CASZ1: variants seen among roughly 807,000 people sequenced by gnomAD.
CASZ1 encodes castor zinc finger 1.
Under a neutral mutation model 135.2 loss-of-function variants are expected in CASZ1, and 28 were observed. That is an observed-to-expected ratio of 0.21 (90% CI 0.15 to 0.28). CASZ1 has a LOEUF of 0.28. Among genes scored for constraint, CASZ1 ranks in the 10% least tolerant of loss-of-function variants. CASZ1 has a pLI of 1.00. For missense variants in CASZ1, 2,161 were observed against 2,453.3 expected, an observed-to-expected ratio of 0.88 and a Z score of 2.52; for synonymous variants, 1,068 against 1,073.4, an observed-to-expected ratio of 0.99 and a Z score of 0.10.
intron 15 of CASZ1, 71 bp downstream of exon 15, chr1:10,648,999 G>T: frequency 6.3e-7 from 1 of 1,579,466 alleles, no homozygotes; most frequent in Non-Finnish European, 8.6e-7. Context: ...ACCAGCCTGA[G>T]CCCCACCCAC....
intron 4 of CASZ1, among the ~76,000 whole-genome samples, chr1:10,685,309 T>TA (rs1638550417): frequency 6.6e-6 from 1 of 152,148 alleles, no homozygotes; most frequent in Non-Finnish European, 1.5e-5. Flanking sequence ...TATTTGCCGT[T>TA]TATGGAAAAA....
At chr1:10,787,837 C>T (rs539318681) in intron 1 of CASZ1, among the ~76,000 whole-genome samples, 153 of 152,290 alleles carry the variant, frequency 1.0e-3, no homozygotes, top group African/African-American at 3.1e-3. Context: ...ACTCTCCCTC[C>T]GGGCTTCCCA....
Position 10,767,599 on chromosome 1 carries a change from T to G in CASZ1, c.-233-6742A>C, listed in dbSNP as rs184180686. The stretch of plus-strand genomic sequence containing the variant: ...GAGACCAGGCTTGGTGGCTCAGCCC[T>G]TTCTGCCATCGACCACCCAAAGTCA... On this transcript the variant is annotated intron_variant, in intron 1 of 20. Coordinates refer to ENST00000377022, the MANE Select transcript of CASZ1 (RefSeq NM_001079843.3). This position sits in a 1 kb window ranked among gnomAD's most constrained non-coding sequence, Gnocchi z 4.2. Among the ~76,000 whole-genome samples the G allele has an allele frequency of 3.3e-5, 5 of 152,310 alleles. No homozygotes were observed. The East Asian group carries it at 9.6e-4, about 29-fold the overall frequency.
At chr1:10,716,721 C>T (rs1639401101) in intron 2 of CASZ1, among the ~76,000 whole-genome samples, 1 of 152,206 alleles carries the variant, frequency 6.6e-6, no homozygotes, top group South Asian at 2.1e-4. Flanking sequence ...CCAAGAGCTG[C>T]CCAGTGGCAG....
chr1:10,658,667 C>T, intron 6 of CASZ1, 91 bp from the exon 7 acceptor site: 1 of 1,121,380 alleles, frequency 8.9e-7, no homozygotes, highest in Non-Finnish European at 1.4e-6. Context: ...GCCCTGAGGC[C>T]CCAGCCCCTC....
Position 10,639,240 on chromosome 1 carries a change from T to G in CASZ1, c.4982A>C (p.Glu1661Ala). The change falls in exon 21 of 21, where the codon GAG becomes GCG. Residue 1661 changes from glutamate (E) to alanine (A), a missense_variant. Glu to Ala is a moderately radical substitution (Grantham distance 107). Coordinates refer to ENST00000377022, the MANE Select transcript of CASZ1 (RefSeq NM_001079843.3). This position sits in a 1 kb window ranked among gnomAD's most constrained non-coding sequence, Gnocchi z 4.0. ...PPDAAAPGPR[E>A]GAAAAAAAAG... ...TGCGGCGGCGGCGGCGGCGGCGCCC[T>G]CGCGCGGCCCGGGGGCGGCGGCGTC... 1.1e-6 allele frequency: 1 copy of G among 878,212 alleles called. No individual in the cohort carries two copies. The highest frequency in any genetic ancestry group is 1.4e-6 in the Non-Finnish European group (1 of 735,980). 54.4% of individuals were successfully genotyped at this position (878,212 alleles called of 1,614,324 possible).
chr1:10,674,472 G>T (rs1278057327), intron 4 of CASZ1, among the ~76,000 whole-genome samples: 2 of 152,290 alleles, frequency 1.3e-5, no homozygotes, highest in African/African-American at 2.4e-5. Context: ...GGGCACCTGG[G>T]CTTTGGCAAC....
rs1372262136 is a variant in CASZ1 at position 10,759,442 on chromosome 1, A to C, written c.-77+1259T>G. On this transcript the variant is annotated intron_variant, in intron 2 of 20. Transcript: ENST00000377022. The surrounding 1 kb of genome is among the most constrained non-coding windows in gnomAD (Gnocchi z 4.2). The stretch of plus-strand genomic sequence containing the variant: ...ATCCTAAGTACGACAGACCAACTTC[A>C]GGAGCATGATCACCTTCTGCACACC... 1.3e-5 allele frequency among the ~76,000 whole-genome samples: 2 copies of C among 152,198 alleles called. No homozygotes were observed. Among genetic ancestry groups the C allele is most frequent in the African/African-American group, 4.8e-5 (2 of 41,440 alleles).
chr1:10,776,818 T>C lies in CASZ1; in HGVS notation c.-233-15961A>G, dbSNP rs1640668859. On this transcript the variant is annotated intron_variant, in intron 1 of 20. Transcript: ENST00000377022. The surrounding 1 kb of genome is among the most constrained non-coding windows in gnomAD (Gnocchi z 4.1). ...TTGCTCATCTTGGGAGGTGGCTGCT[T>C]GCCAGCGATGGAGATGGGGCTAGAA... Among the ~76,000 whole-genome samples the C allele has an allele frequency of 6.6e-6, 1 of 152,172 alleles. No homozygotes were observed. The highest frequency in any genetic ancestry group is 1.5e-5 in the Non-Finnish European group (1 of 68,018).
intron 2 of CASZ1, among the ~76,000 whole-genome samples, chr1:10,758,702 G>C (rs953851901): frequency 2.0e-5 from 3 of 152,186 alleles, no homozygotes; most frequent in Non-Finnish European, 4.4e-5. Flanking sequence ...GGGGGAATCT[G>C]AGCCAGACAG....
intron 2 of CASZ1, among the ~76,000 whole-genome samples, chr1:10,758,290 G>A (rs1640296520): frequency 6.6e-6 from 1 of 150,634 alleles, no homozygotes; most frequent in South Asian, 2.1e-4. Context: ...GTTTGCTGGT[G>A]AGTGACTGAC....
chr1:10,762,321 G>A lies in CASZ1; in HGVS notation c.-233-1464C>T, dbSNP rs987947152. Among the ~76,000 whole-genome samples, 13 of 152,240 alleles carry A rather than the reference G, an allele frequency of 8.5e-5. No homozygotes were observed. The highest frequency in any genetic ancestry group is 3.1e-4 in the African/African-American group (13 of 41,546). On this transcript the variant is annotated intron_variant, in intron 1 of 20. Transcript: ENST00000377022. This position sits in a 1 kb window ranked among gnomAD's most constrained non-coding sequence, Gnocchi z 4.1. ...CGGCGCCACACAGGGTTAACAGCGG[G>A]TTTCCTGGTTTCCATGGATTCCTGC... is the stretch of plus-strand genomic sequence containing the variant.
chr1:10,779,908 T>G (rs1185376378), intron 1 of CASZ1, among the ~76,000 whole-genome samples: 1 of 152,182 alleles, frequency 6.6e-6, no homozygotes, highest in Non-Finnish European at 1.5e-5. Context: ...AGGTGGGGGC[T>G]TTGCCCGAGT....
In CASZ1 at chr1:10,650,696, T is replaced by C. The variant is rs546119580; in HGVS notation, c.2876A>G (p.Asn959Ser). 740 of 1,613,494 alleles carry C rather than the reference T, an allele frequency of 4.6e-4. No homozygotes were observed. The highest frequency in any genetic ancestry group is 6.0e-4 in the Non-Finnish European group (712 of 1,179,474). Residue 959 changes from asparagine (N) to serine (S), a missense_variant, in exon 13 of 21, where the codon AAT becomes AGT. Asn to Ser is a conservative substitution (Grantham distance 46). This residue lies in a region of CASZ1 where 406 missense variants were observed against 387.6 expected (regional missense o/e 1.05). Coordinates refer to ENST00000377022, the MANE Select transcript of CASZ1 (RefSeq NM_001079843.3). ...CGTGTGATGGATGGCTCTTACCTTATTCATAAGCGAGGATAAAAGAGATGA... is the reference window on the plus strand; with the variant it reads ...CGTGTGATGGATGGCTCTTACCTTACTCATAAGCGAGGATAAAAGAGATGA... Reference protein sequence around the residue: ...ANSSLLSSLMNKMSQGNPGLG... With the variant: ...ANSSLLSSLMSKMSQGNPGLG...
chr1:10,639,957 C>T lies in CASZ1; in HGVS notation c.4265G>A (p.Arg1422Gln), dbSNP rs745537977. 27 of 1,612,798 alleles carry T rather than the reference C, an allele frequency of 1.7e-5. No homozygotes were observed. Among genetic ancestry groups the T allele is most frequent in the Non-Finnish European group, 2.3e-5 (27 of 1,180,018 alleles). The change falls in exon 21 of 21, where the codon CGG becomes CAG. Residue 1422 changes from arginine (R) to glutamine (Q), a missense_variant. Arg to Gln is a conservative substitution (Grantham distance 43, BLOSUM62 1). Transcript: ENST00000377022. This position sits in a 1 kb window ranked among gnomAD's most constrained non-coding sequence, Gnocchi z 4.0. Reference protein sequence around the residue: ...FGKRRKTASSRKMLDEGMMLE... With the variant: ...FGKRRKTASSQKMLDEGMMLE... Reference sequence around the variant, plus strand: ...CATCATGCCCTCGTCCAGCATCTTCCGGGAGGACGCCGTCTTCCGCCGCTT... The same window carrying T: ...CATCATGCCCTCGTCCAGCATCTTCTGGGAGGACGCCGTCTTCCGCCGCTT...
At chr1:10,671,194 G>A (rs1443208023) in intron 4 of CASZ1, among the ~76,000 whole-genome samples, 2 of 152,194 alleles carry the variant, frequency 1.3e-5, no homozygotes, top group African/African-American at 4.8e-5. Context: ...AGCATCCACC[G>A]CACAGGCTGG....
At chr1:10,772,616 A>T (rs1159416009) in intron 1 of CASZ1, among the ~76,000 whole-genome samples, 1 of 152,136 alleles carries the variant, frequency 6.6e-6, no homozygotes, top group Non-Finnish European at 1.5e-5. Context: ...AGGAGCATGC[A>T]GGCCCTCCTG....
chr1:10,774,340 C>T lies in CASZ1; in HGVS notation c.-233-13483G>A, dbSNP rs1032169763. ...TCAACTCTGACTGCTTTCGGCAGCA[C>T]ACTGTCAAATCTGCCCTGGCCTTGG... On this transcript the variant is annotated intron_variant, in intron 1 of 20. Transcript: ENST00000377022. The surrounding 1 kb of genome is among the most constrained non-coding windows in gnomAD (Gnocchi z 4.4). 6.6e-6 allele frequency among the ~76,000 whole-genome samples: 1 copy of T among 152,178 alleles called. No homozygotes were observed. The highest frequency in any genetic ancestry group is 2.4e-5 in the African/African-American group (1 of 41,460).
At chr1:10,690,399 T>A (rs973761337) in intron 4 of CASZ1, among the ~76,000 whole-genome samples, 21 of 152,176 alleles carry the variant, frequency 1.4e-4, no homozygotes, top group Non-Finnish European at 1.5e-4. Flanking sequence ...CTAGAAGAAG[T>A]CTGCGGCCTA....
Sources: allele counts gnomAD v4.1 joint callset (sites outside exome capture counted in the v4.1 genomes callset), GRCh38; gene constraint gnomAD v4.1.1; regional missense constraint gnomAD v4.1.1; non-coding constraint Gnocchi (gnomAD v3.1); transcripts MANE v1.5; gene names NCBI Gene and HGNC (gene_info 2026-07-23, HGNC 2026-07-21).